FOXN4: variants seen among roughly 807,000 people sequenced by gnomAD.
FOXN4 encodes the protein forkhead box N4.
In FOXN4, 12 loss-of-function variants were observed where a neutral mutation model predicts 45.0. The observed-to-expected ratio is 0.27, with a 90% confidence interval of 0.17 to 0.43. The LOEUF (loss-of-function observed/expected upper bound fraction) is 0.43. FOXN4 is among the 20% of genes least tolerant of loss of function. The pLI is 1.00. For missense variants in FOXN4, 560 were observed against 694.9 expected (o/e 0.81, Z 2.18); for synonymous variants, 297 against 295.0 (o/e 1.01, Z -0.07).
intron 2 of FOXN4, among the ~76,000 whole-genome samples, chr12:109,297,168 G>C (rs1368212031): frequency 1.3e-5 from 2 of 152,208 alleles, no homozygotes; most frequent in African/African-American, 4.8e-5. Context: ...GACCAGTACT[G>C]GTCCGTGGCC....
At chr12:109,283,758 G>A (rs1196845621) in intron 8 of FOXN4, among the ~76,000 whole-genome samples, 1 of 152,206 alleles carries the variant, frequency 6.6e-6, no homozygotes, top group Non-Finnish European at 1.5e-5. Context: ...TTATGGGCAT[G>A]AGCCACCGCA....
rs142918942 is a variant in FOXN4 at position 109,279,322 on chromosome 12, C to T, written c.*349G>A. 149 of 346,372 alleles carry T rather than the reference C, an allele frequency of 4.3e-4. No individual in the cohort carries two copies. Among genetic ancestry groups the T allele is most frequent in the African/African-American group, 2.3e-3 (113 of 48,412 alleles). 21.5% of individuals were successfully genotyped at this position (346,372 alleles called of 1,614,324 possible). A position where few individuals can be genotyped will look rare whatever the true frequency, so the allele number is the denominator to read the frequency against. ...AATGGGGTGCAGGTCACTGAGGTCA[C>T]GCAGCCAGGATCCAGGATGGAGAAG... On this transcript the variant is annotated 3_prime_UTR_variant, in exon 10 of 10. Coordinates refer to ENST00000299162, the MANE Select transcript of FOXN4 (RefSeq NM_213596.3).
In FOXN4 at chr12:109,288,717, G is replaced by A. The variant is rs1318347582; in HGVS notation, c.233-537C>T. On this transcript the variant is annotated intron_variant, in intron 3 of 9. Coordinates refer to ENST00000299162, the MANE Select transcript of FOXN4 (RefSeq NM_213596.3). This position sits in a 1 kb window ranked among gnomAD's most constrained non-coding sequence, Gnocchi z 4.3. Reference sequence around the variant, plus strand: ...AGACATACTTCCCCCATCTTGTGCTGGGCTTGTGACAGACATTGCTAATCT... The same window carrying A: ...AGACATACTTCCCCCATCTTGTGCTAGGCTTGTGACAGACATTGCTAATCT... 3.9e-5 allele frequency among the ~76,000 whole-genome samples: 6 copies of A among 152,174 alleles called. No homozygotes were observed. In the East Asian group the frequency reaches 1.2e-3, roughly 29 times the overall value.
rs1424441780 is a variant in FOXN4, at chr12:109,287,373, G to A, written c.596+24C>T. ...CTCTCCCGGAGCCGCCCTTGGCCCT[G>A]ACCCGGCCCACCCTGGACCTCACCT... On this transcript the variant is annotated intron_variant, in intron 6 of 9. Transcript: ENST00000299162. This position sits in a 1 kb window ranked among gnomAD's most constrained non-coding sequence, Gnocchi z 4.1. The A allele has an allele frequency of 3.2e-6, 5 of 1,551,048 alleles. No homozygotes were observed. In the Admixed American group the frequency reaches 7.8e-5, roughly 24 times the overall value.
intron 2 of FOXN4, among the ~76,000 whole-genome samples, chr12:109,297,984 T>C (rs1189062841): frequency 6.6e-6 from 1 of 152,212 alleles, no homozygotes; most frequent in East Asian, 1.9e-4. Context: ...GGCAGTGATC[T>C]GAAACAATCT....
intron 2 of FOXN4, among the ~76,000 whole-genome samples, chr12:109,305,791 C>T (rs535481731): frequency 3.9e-5 from 6 of 152,160 alleles, no homozygotes; most frequent in African/African-American, 4.8e-5. Flanking sequence ...CTTGAATCCA[C>T]GTGAACAGGA....
At chr12:109,296,993 C>T (rs780136066) in intron 2 of FOXN4, among the ~76,000 whole-genome samples, 7 of 152,250 alleles carry the variant, frequency 4.6e-5, no homozygotes, top group Non-Finnish European at 1.0e-4. Flanking sequence ...CAGACGAGAA[C>T]ACTGAGGCCA....
At chr12:109,284,869 CGT>C (rs72368569) in intron 8 of FOXN4, among the ~76,000 whole-genome samples, 17,978 of 141,292 alleles carry the variant, frequency 0.13, 1,691 homozygotes, top group African/African-American at 0.27. Flanking sequence ...TCCTCTTCTG[CGT>C]GTGTGTGTGC....
At chr12:109,289,188 G>A (rs952979148) in intron 3 of FOXN4, among the ~76,000 whole-genome samples, 1 of 152,212 alleles carries the variant, frequency 6.6e-6, no homozygotes, top group African/African-American at 2.4e-5. Flanking sequence ...AAAGCACTTG[G>A]CTGAGATCAC....
chr12:109,302,885 A>G (rs867573403), intron 2 of FOXN4, among the ~76,000 whole-genome samples: 3 of 152,306 alleles, frequency 2.0e-5, no homozygotes, highest in South Asian at 2.1e-4. Flanking sequence ...CTTGTTCCCA[A>G]TCCAACCATT....
At chr12:109,308,726 T>C (rs2047942398) in intron 1 of FOXN4, among the ~76,000 whole-genome samples, 1 of 152,120 alleles carries the variant, frequency 6.6e-6, no homozygotes, top group Admixed American at 6.5e-5. Context: ...CAGCTGGATG[T>C]GACATGTGTA....
At chr12:109,283,380 G>A (rs543084406) in intron 8 of FOXN4, among the ~76,000 whole-genome samples, 1 of 152,062 alleles carries the variant, frequency 6.6e-6, no homozygotes, top group East Asian at 1.9e-4. Context: ...TACATTTTTG[G>A]GAGGGAAGTG....
rs1405311363 is a variant in FOXN4, at chr12:109,288,921, C to G, written c.233-741G>C. ...AGATCTGTTTGTCTTGTCCTTCTCT[C>G]TCTGACCAGATCATCAGCTTTCTAA... On this transcript the variant is annotated intron_variant, in intron 3 of 9. Coordinates refer to ENST00000299162, the MANE Select transcript of FOXN4 (RefSeq NM_213596.3). This position sits in a 1 kb window ranked among gnomAD's most constrained non-coding sequence, Gnocchi z 4.3. 1.3e-5 allele frequency among the ~76,000 whole-genome samples: 2 copies of G among 152,248 alleles called. No homozygotes were observed. Among genetic ancestry groups the G allele is most frequent in the Non-Finnish European group, 2.9e-5 (2 of 68,052 alleles).
chr12:109,299,986 T>C (rs375350115), intron 2 of FOXN4, among the ~76,000 whole-genome samples: 2 of 152,134 alleles, frequency 1.3e-5, no homozygotes, highest in South Asian at 4.1e-4. Flanking sequence ...GCTGTGAGAA[T>C]TGTCTGCAGC....
intron 8 of FOXN4, among the ~76,000 whole-genome samples, chr12:109,282,499 G>A (rs560506201): frequency 5.3e-5 from 8 of 152,000 alleles, no homozygotes; most frequent in East Asian, 1.9e-4. Context: ...ATCTTTCATC[G>A]GGACAGTGCC....
chr12:109,283,557 C>A (rs1346065394), intron 8 of FOXN4, among the ~76,000 whole-genome samples: 1 of 150,878 alleles, frequency 6.6e-6, no homozygotes, highest in African/African-American at 2.4e-5. Context: ...GTCACTGCAA[C>A]CTCCGCCTCC....
chr12:109,296,297 C>T (rs1156832702), intron 2 of FOXN4, among the ~76,000 whole-genome samples: 5 of 152,204 alleles, frequency 3.3e-5, no homozygotes, highest in East Asian at 1.9e-4. Context: ...AGGTGACCCC[C>T]GTGCTCTCAC....
At position 109,290,106 on chromosome 12, in the gene FOXN4, A is replaced by AC; in HGVS notation, c.232+34dup. On this transcript the variant is annotated intron_variant, in intron 3 of 9. Transcript: ENST00000299162. This position sits in a 1 kb window ranked among gnomAD's most constrained non-coding sequence, Gnocchi z 5.1. Reference sequence around the variant, plus strand: ...CTGGGAATCACCCCTCTCCTATATCACCCTCCTCCCTGCCTACCTTGTCCC... The same window carrying AC: ...CTGGGAATCACCCCTCTCCTATATCACCCCTCCTCCCTGCCTACCTTGTCCC... 6.6e-7 allele frequency: 1 copy of AC among 1,511,810 alleles called. No individual in the cohort carries two copies. The highest frequency in any genetic ancestry group is 2.5e-5 in the East Asian group (1 of 40,196). The allele number at this position is 1,511,810 out of a possible 1,614,324, so 93.6% of individuals were successfully genotyped here.
chr12:109,292,237 C>T (rs1210978705), intron 2 of FOXN4, among the ~76,000 whole-genome samples: 2 of 152,152 alleles, frequency 1.3e-5, no homozygotes, highest in African/African-American at 2.4e-5. Context: ...CTTGGCACTG[C>T]GGTAACAAGG....
Sources: allele counts gnomAD v4.1 joint callset (sites outside exome capture counted in the v4.1 genomes callset), GRCh38; gene constraint gnomAD v4.1.1; non-coding constraint Gnocchi (gnomAD v3.1); transcripts MANE v1.5; gene names NCBI Gene and HGNC (gene_info 2026-07-23, HGNC 2026-07-21).